FNDC3B: variants seen among roughly 807,000 people sequenced by gnomAD.
The protein encoded by FNDC3B is fibronectin type III domain containing 3B.
A neutral mutation model predicts 151.5 loss-of-function variants in FNDC3B; 12 were observed. That is an observed-to-expected ratio of 0.08 (90% confidence interval 0.05 to 0.13). FNDC3B has a LOEUF of 0.13. FNDC3B is among the 10% of genes least tolerant of loss of function. The probability of loss-of-function intolerance (pLI) is 1.00; values close to 1 mark genes in which losing one functional copy is unlikely to be tolerated. For missense variants in FNDC3B, 1,214 were observed against 1,505.3 expected (o/e 0.81, Z 3.20); for synonymous variants, 528 against 549.0 (o/e 0.96, Z 0.54).
intron 3 of FNDC3B, among the ~76,000 whole-genome samples, chr3:172,192,649 G>A (rs1368901296): frequency 6.6e-6 from 1 of 152,088 alleles, no homozygotes; most frequent in African/African-American, 2.4e-5. Context: ...CCTTTCTAGT[G>A]TGGTTCACTC....
rs560136710 is a variant in FNDC3B at position 172,304,729 on chromosome 3, C to G, written c.1062-2634C>G. On this transcript the variant is annotated intron_variant, in intron 9 of 25. Transcript: ENST00000415807. ...CTGGCCAACGTGGTGAAACCCCCATCTCTACAAAAATACAAAAATCAGTCA... is the reference window on the plus strand; with the variant it reads ...CTGGCCAACGTGGTGAAACCCCCATGTCTACAAAAATACAAAAATCAGTCA... Among the ~76,000 whole-genome samples, 91 of 152,184 alleles carry G rather than the reference C, an allele frequency of 6.0e-4. 2 individuals are homozygous for G. In the South Asian group the frequency reaches 0.013, roughly 22 times the overall value.
intron 3 of FNDC3B, among the ~76,000 whole-genome samples, chr3:172,210,309 G>T (rs537155891): frequency 1.4e-4 from 22 of 152,272 alleles, no homozygotes; most frequent in Non-Finnish European, 2.6e-4. Flanking sequence ...CAGATCATTG[G>T]ATTTTTCTTA....
chr3:172,308,645 G>A (rs1466610569), intron 10 of FNDC3B, among the ~76,000 whole-genome samples: 1 of 152,192 alleles, frequency 6.6e-6, no homozygotes, highest in East Asian at 1.9e-4. Flanking sequence ...CTCATAGCCA[G>A]TGGCCAGCAT....
intron 1 of FNDC3B, among the ~76,000 whole-genome samples, chr3:172,110,455 T>A (rs1288639628): frequency 6.6e-6 from 1 of 152,028 alleles, no homozygotes; most frequent in Non-Finnish European, 1.5e-5. Context: ...TCTCTAAACC[T>A]GTATCATTAT....
rs182454766 is a variant in FNDC3B, at chr3:172,192,745, A to T, written c.188-34126A>T. On this transcript the variant is annotated intron_variant, in intron 3 of 25. Coordinates refer to ENST00000415807, the MANE Select transcript of FNDC3B (RefSeq NM_022763.4). ...ACAGGGCATGAATATATATATATAT[A>T]TTTTTTACCTCATCTTATTGAAGAT... 7.5e-3 allele frequency among the ~76,000 whole-genome samples: 1,137 copies of T among 151,994 alleles called. 9 individuals are homozygous for T. Among genetic ancestry groups the T allele is most frequent in the Non-Finnish European group, 9.0e-3 (612 of 67,952 alleles).
chr3:172,138,310 C>T (rs1721470830), intron 3 of FNDC3B, among the ~76,000 whole-genome samples: 1 of 152,192 alleles, frequency 6.6e-6, no homozygotes, highest in Non-Finnish European at 1.5e-5. Context: ...GCTCCCCAGC[C>T]ACACAGCTTG....
intron 3 of FNDC3B, among the ~76,000 whole-genome samples, chr3:172,156,882 T>C (rs1722514029): frequency 6.6e-6 from 1 of 152,156 alleles, no homozygotes. Flanking sequence ...GATTACGGAC[T>C]ATCAGAAGTT....
intron 1 of FNDC3B, among the ~76,000 whole-genome samples, chr3:172,108,975 A>G (rs1719819542): frequency 6.6e-6 from 1 of 152,026 alleles, no homozygotes; most frequent in African/African-American, 2.4e-5. Flanking sequence ...ATTTCTTTGT[A>G]TGTCTCTTGC....
intron 4 of FNDC3B, among the ~76,000 whole-genome samples, chr3:172,233,196 C>T (rs973157629): frequency 6.6e-6 from 1 of 152,144 alleles, no homozygotes; most frequent in Non-Finnish European, 1.5e-5. Context: ...TTCATATTGA[C>T]CCAAGGATTT....
At chr3:172,190,976 G>A (rs1724482278) in intron 3 of FNDC3B, among the ~76,000 whole-genome samples, 1 of 152,126 alleles carries the variant, frequency 6.6e-6, no homozygotes, top group Non-Finnish European at 1.5e-5. Flanking sequence ...GCCCCATTGT[G>A]TCTTTTGTTT....
At chr3:172,079,776 T>C (rs1718189997) in intron 1 of FNDC3B, among the ~76,000 whole-genome samples, 1 of 152,200 alleles carries the variant, frequency 6.6e-6, no homozygotes. Context: ...CTGCTTGTCA[T>C]GAGAGAAGTA....
intron 3 of FNDC3B, among the ~76,000 whole-genome samples, chr3:172,202,189 C>T (rs1725188967): frequency 6.6e-6 from 1 of 152,108 alleles, no homozygotes; most frequent in South Asian, 2.1e-4. Context: ...TAGAATTTCC[C>T]GGTACCCTTT....
chr3:172,164,849 G>C (rs1292112921), intron 3 of FNDC3B, among the ~76,000 whole-genome samples: 1 of 152,152 alleles, frequency 6.6e-6, no homozygotes, highest in Non-Finnish European at 1.5e-5. Context: ...ACAAATTACT[G>C]TGTTTATTTC....
chr3:172,208,524 C>G (rs3924140), intron 3 of FNDC3B, among the ~76,000 whole-genome samples: 135,761 of 152,264 alleles, frequency 0.89, 60,814 homozygotes, highest in African/African-American at 0.95. Context: ...TTTAAAGTTG[C>G]TATATAATCG....
At chr3:172,170,905 G>C (rs528092630) in intron 3 of FNDC3B, among the ~76,000 whole-genome samples, 2 of 152,210 alleles carry the variant, frequency 1.3e-5, no homozygotes, top group African/African-American at 4.8e-5. Flanking sequence ...TGGTATTACT[G>C]TCTTAGTATT....
intron 1 of FNDC3B, among the ~76,000 whole-genome samples, chr3:172,076,079 A>G: frequency 6.6e-6 from 1 of 152,110 alleles, no homozygotes; most frequent in Non-Finnish European, 1.5e-5. Flanking sequence ...GTGATTTGAT[A>G]TTTTGACTCA....
chr3:172,349,686 C>T (rs895074020), intron 21 of FNDC3B, among the ~76,000 whole-genome samples: 10 of 151,880 alleles, frequency 6.6e-5, no homozygotes, highest in South Asian at 4.1e-4. Context: ...GATGGAGTCA[C>T]GCTCTGTCAC....
At chr3:172,368,904 A>C (rs1734757076) in intron 23 of FNDC3B, among the ~76,000 whole-genome samples, 1 of 152,208 alleles carries the variant, frequency 6.6e-6, no homozygotes, top group African/African-American at 2.4e-5. Context: ...CCAGCTACTC[A>C]GGAGCCTGAG....
Position 172,352,967 on chromosome 3 carries a change from G to A in FNDC3B, c.2679G>A (p.Pro893=), listed in dbSNP as rs764625583. The A allele has an allele frequency of 1.3e-5, 21 of 1,614,026 alleles. No individual in the cohort carries two copies. Among genetic ancestry groups the A allele is most frequent in the East Asian group, 8.9e-5 (4 of 44,896 alleles). Reference sequence around the variant, plus strand: ...GCCTTGTACTGAACTGGGAAGAGCCGTGCAATAACGGATCTGAAATCCTTG... The same window carrying A: ...GCCTTGTACTGAACTGGGAAGAGCCATGCAATAACGGATCTGAAATCCTTG... ...SACLVLNWEE[P]CNNGSEILAY... Residue 893 remains proline, a synonymous_variant, in exon 22 of 26, where the codon CCG becomes CCA. Coordinates refer to ENST00000415807, the MANE Select transcript of FNDC3B (RefSeq NM_022763.4). This position sits in a 1 kb window ranked among gnomAD's most constrained non-coding sequence, Gnocchi z 4.2.
Sources: allele counts gnomAD v4.1 joint callset (sites outside exome capture counted in the v4.1 genomes callset), GRCh38; gene constraint gnomAD v4.1.1; non-coding constraint Gnocchi (gnomAD v3.1); transcripts MANE v1.5; gene names NCBI Gene and HGNC (gene_info 2026-07-23, HGNC 2026-07-21).